Variants in RGS11 observed in about 807,000 individuals in gnomAD.
RGS11 encodes the protein regulator of G protein signaling 11, also known as regulator of G-protein signaling 11.
A neutral mutation model predicts 71.1 loss-of-function variants in RGS11; 86 were observed. That is an observed-to-expected ratio of 1.21 (90% confidence interval 1.02 to 1.45). The LOEUF (loss-of-function observed/expected upper bound fraction) is 1.45, where lower values mean the gene tolerates loss of function less well. RGS11 is among the 40% of genes most tolerant of loss of function. The pLI, the probability that RGS11 is intolerant of heterozygous loss-of-function variation, is 0.00. For synonymous variants in RGS11, 298 were observed against 254.2 expected, an observed-to-expected ratio of 1.17 and a Z score of -1.64; for missense variants, 734 against 635.1, an observed-to-expected ratio of 1.16 and a Z score of -1.67.
intron 7 of RGS11, 51 bp from the exon 8 acceptor site, chr16:273,607 C>T: frequency 1.3e-5 from 20 of 1,516,462 alleles, no homozygotes; most frequent in Non-Finnish European, 1.8e-5. Flanking sequence ...AGCAGCCCCT[C>T]CGCCCCCACC....
At position 268,656 on chromosome 16, in the gene RGS11, T is replaced by C. The variant is rs2051779987; in HGVS notation, c.*613A>G. 9.9e-7 allele frequency: 1 copy of C among 1,014,808 alleles called. No homozygotes were observed. The highest frequency in any genetic ancestry group is 1.6e-5 in the African/African-American group (1 of 62,572). 62.9% of individuals were successfully genotyped at this position (1,014,808 alleles called of 1,614,324 possible). A position where few individuals can be genotyped will look rare whatever the true frequency, so the allele number is the denominator to read the frequency against. On this transcript the variant is annotated 3_prime_UTR_variant, in exon 17 of 17. Coordinates refer to ENST00000397770, the MANE Select transcript of RGS11 (RefSeq NM_183337.3). ...CGCGGCCTCGAGGTGGGAAAGCAGG[T>C]GCCGGCGCACCTGTGGACAAATTCT...
At position 273,833 on chromosome 16, in the gene RGS11, A is replaced by T; in HGVS notation, c.433T>A (p.Cys145Ser). 6.2e-7 allele frequency: 1 copy of T among 1,613,356 alleles called. No homozygotes were observed. Among genetic ancestry groups the T allele is most frequent in the Non-Finnish European group, 8.5e-7 (1 of 1,179,954 alleles). Residue 145 changes from cysteine (C) to serine (S), a missense_variant, in exon 7 of 17, where the codon TGC (cysteine) becomes AGC (serine). Transcript: ENST00000397770. ...RGTLVDYEKD[C>S]YDRLHKKINH... ...ATCTTCTTGTGTAGCCGGTCATAGCAGTCCTGGGGGCAGCGAGGTTTCCAG... is the reference window on the plus strand; with the variant it reads ...ATCTTCTTGTGTAGCCGGTCATAGCTGTCCTGGGGGCAGCGAGGTTTCCAG...
chr16:272,919 C>T lies in RGS11; in HGVS notation c.601G>A (p.Asp201Asn), dbSNP rs541738418. 82 of 1,517,226 alleles carry T rather than the reference C, an allele frequency of 5.4e-5. No homozygotes were observed. In the Middle Eastern group the frequency reaches 8.9e-4, roughly 16 times the overall value. The allele number at this position is 1,517,226 out of a possible 1,614,324, so 94.0% of individuals were successfully genotyped here. Residue 201 changes from aspartate (D) to asparagine (N), a missense_variant, in exon 9 of 17, where the codon GAT becomes AAT. Transcript: ENST00000397770. ...LVNRPPPGAP[D>N]VLEQGPGRGS... Reference sequence around the variant, plus strand: ...CGCCCTGGACCCTGCTCCAGCACATCGGGGGCCCCGGGCTGCGGAGGGGAG... The same window carrying T: ...CGCCCTGGACCCTGCTCCAGCACATTGGGGGCCCCGGGCTGCGGAGGGGAG...
rs377346189 is a variant in RGS11 at position 271,267 on chromosome 16, C to T, written c.798G>A (p.Ser266=). Residue 266 remains serine (S), a synonymous_variant, in exon 12 of 17, where the codon TCG becomes TCA. Transcript: ENST00000397770. Reference sequence around the variant, plus strand: ...TCCAGGGATTGCTGGGCAGGCACCCCGACACGAGGGGATCGTGGGGTCCAC... The same window carrying T: ...TCCAGGGATTGCTGGGCAGGCACCCTGACACGAGGGGATCGTGGGGTCCAC... The part of the protein sequence containing the change: ...GQRGPHDPLV[S]GCLPSNPWIS... 2.6e-5 allele frequency: 42 copies of T among 1,612,918 alleles called. 1 individual carries two copies. The highest frequency in any genetic ancestry group is 2.1e-4 in the African/African-American group (16 of 75,042).
chr16:275,554 G>A, intron 1 of RGS11, 56 bp from the exon 2 acceptor site: 1 of 1,397,540 alleles, frequency 7.2e-7, no homozygotes, highest in Non-Finnish European at 9.7e-7. Context: ...CTGATTCCCT[G>A]GCACCGGCCG....
intron 15 of RGS11, among the ~76,000 whole-genome samples, chr16:270,160 G>A (rs7499731): frequency 0.23 from 34,579 of 151,400 alleles, 7,141 homozygotes; most frequent in African/African-American, 0.54. Flanking sequence ...GAGGCAGGAG[G>A]ATGGCGTGAA....
In RGS11 at chr16:269,856, C is replaced by T; in HGVS notation, c.1207-271G>A. The T allele has an allele frequency of 7.2e-6, 3 of 414,582 alleles. No homozygotes were observed. The South Asian group carries it at 1.1e-4, about 15-fold the overall frequency. 25.7% of individuals were successfully genotyped at this position (414,582 alleles called of 1,614,324 possible). A position where few individuals can be genotyped will look rare whatever the true frequency, so the allele number is the denominator to read the frequency against. On this transcript the variant is annotated intron_variant, in intron 15 of 16. Coordinates refer to ENST00000397770, the MANE Select transcript of RGS11 (RefSeq NM_183337.3). ...GAATAAACCGCGGCACCTCCTCAGCCATTAGCGGGAACCAGGAATGGCTCC... is the reference window on the plus strand; with the variant it reads ...GAATAAACCGCGGCACCTCCTCAGCTATTAGCGGGAACCAGGAATGGCTCC...
Position 269,381 on chromosome 16 carries a change from A to G in RGS11, c.1292T>C (p.Val431Ala), listed in dbSNP as rs998529148. 103 of 1,600,534 alleles carry G rather than the reference A, an allele frequency of 6.4e-5. No homozygotes were observed. The highest frequency in any genetic ancestry group is 8.4e-5 in the Non-Finnish European group (99 of 1,173,320). ...CCGTGGCCTCCACGTAAACGGGAAC[A>G]CGCTGTGGGCGAGAAGGCGGCTGAG... The part of the protein sequence containing the change: ...AGIPLEMKRR[V>A]FPFTWRPRHS... The change falls in exon 17 of 17, where the codon GTG (valine) becomes GCG (alanine). Residue 431 changes from valine to alanine, a missense_variant and splice_region_variant. By Grantham distance (64) the Val-to-Ala change is moderately conservative. Coordinates refer to ENST00000397770, the MANE Select transcript of RGS11 (RefSeq NM_183337.3).
Position 275,264 on chromosome 16 carries a change from TG to T in RGS11, c.211+18del, listed in dbSNP as rs1261340748. On this transcript the variant is annotated intron_variant, in intron 3 of 16. Coordinates refer to ENST00000397770, the MANE Select transcript of RGS11 (RefSeq NM_183337.3). ...CCAGCCCAGTGACCCCAGGGCCCAG[TG>T]GGAGGCAGGGCGCTCACCCTCCTCC... 1.9e-6 allele frequency: 3 copies of T among 1,612,242 alleles called. No homozygotes were observed. The African/African-American group carries it at 4.0e-5, about 22-fold the overall frequency.
chr16:271,519 A>T, intron 10 of RGS11, 21 bp downstream of exon 10: 1 of 1,613,730 alleles, frequency 6.2e-7, no homozygotes, highest in South Asian at 1.1e-5. Flanking sequence ...GGCACCCTCC[A>T]CTCCCAGCTC....
intron 7 of RGS11, 57 bp from the exon 8 acceptor site, chr16:273,613 C>T (rs2052032438): frequency 1.3e-6 from 2 of 1,514,132 alleles, no homozygotes; most frequent in South Asian, 1.2e-5. Context: ...CCCTCCGCCC[C>T]CACCCTCAGG....
At position 274,082 on chromosome 16, in the gene RGS11, C is replaced by A; in HGVS notation, c.390G>T (p.Lys130Asn). 6.4e-7 allele frequency: 1 copy of A among 1,551,730 alleles called. No individual in the cohort carries two copies. The highest frequency in any genetic ancestry group is 8.7e-7 in the Non-Finnish European group (1 of 1,147,398). ...ELDYAIYLAKKNIRKRGTLVD... is the reference protein window; with the variant it reads ...ELDYAIYLAKNNIRKRGTLVD... ...CCAGGGTCCCCCGTTTTCGGATGTT[C>A]TTCTTGGCCAGGTAGATGGCTGGAA... Residue 130 changes from lysine (K) to asparagine (N), a missense_variant, in exon 6 of 17, where the codon AAG (lysine) becomes AAT (asparagine). By Grantham distance (94) the Lys-to-Asn change is moderately conservative. Coordinates refer to ENST00000397770, the MANE Select transcript of RGS11 (RefSeq NM_183337.3).
At chr16:271,772 G>T (rs1036521325) in intron 9 of RGS11, 43 of 600,974 alleles carry the variant, frequency 7.2e-5, no homozygotes, top group Non-Finnish European at 1.1e-4. Context: ...CTAAGGTCTG[G>T]CGATCTGTGG....
rs1398917380 is a variant in RGS11 at position 269,274 on chromosome 16, C to A, written c.1399G>T (p.Ala467Ser). ...TGGCAGATGGGCCAGGTCCACTAGG[C>A]CACCCCATCTCCACCCCCAGGGCCA... ...ACGPGGGDGV[A>S] The change falls in exon 17 of 17, where the codon GCC becomes TCC. Residue 467 changes from alanine (A) to serine (S), a missense_variant. Ala to Ser is a moderately conservative substitution (Grantham distance 99). Transcript: ENST00000397770. 6.4e-7 allele frequency: 1 copy of A among 1,564,928 alleles called. No homozygotes were observed. Among genetic ancestry groups the A allele is most frequent in the African/African-American group, 1.3e-5 (1 of 74,208 alleles).
rs745592127 is a variant in RGS11 at position 268,875 on chromosome 16, G to A, written c.*394C>T. 5.7e-5 allele frequency: 89 copies of A among 1,550,492 alleles called. No individual in the cohort carries two copies. In the Middle Eastern group the frequency reaches 2.0e-3, roughly 35 times the overall value. ...GTGACGGGTGTGTGGGAAGCCGCCC[G>A]CCTGTGCATCTTGCTTCCGGGTATT... On this transcript the variant is annotated 3_prime_UTR_variant, in exon 17 of 17. Transcript: ENST00000397770.
chr16:270,663 T>G lies in RGS11; in HGVS notation c.1068-2A>C, dbSNP rs201849017. The stretch of plus-strand genomic sequence containing the variant: ...GCAGCTCCGGGGGCCAGGAACTGCC[T>G]AGGGGTGGGGACAGCACTGGGTAGT... On this transcript the variant is annotated splice_acceptor_variant, in intron 14 of 16. Transcript: ENST00000397770. LOFTEE classifies it high-confidence loss of function. The G allele has an allele frequency of 2.0e-4, 323 of 1,609,988 alleles. No homozygotes were observed. The highest frequency in any genetic ancestry group is 2.5e-4 in the Non-Finnish European group (299 of 1,178,956).
chr16:274,612 C>T, intron 4 of RGS11: 1 of 611,412 alleles, frequency 1.6e-6, no homozygotes, highest in Non-Finnish European at 3.0e-6. Context: ...GCCCGGGACC[C>T]TGATGTGGTT....
chr16:273,056 G>A (rs1017241169), intron 8 of RGS11, 125 bp from the exon 9 acceptor site: 25 of 904,498 alleles, frequency 2.8e-5, no homozygotes, highest in Admixed American at 9.4e-5. Flanking sequence ...GAAGAGTCCC[G>A]ACCTAGCCGT....
At chr16:275,245 C>T in intron 3 of RGS11, 38 bp downstream of exon 3, 1 of 1,611,686 alleles carries the variant, frequency 6.2e-7, no homozygotes, top group Non-Finnish European at 8.5e-7. Context: ...GCCACCAGCC[C>T]AGTGACCCCA....
Sources: allele counts gnomAD v4.1 joint callset (sites outside exome capture counted in the v4.1 genomes callset), GRCh38; gene constraint gnomAD v4.1.1; transcripts MANE v1.5; gene names NCBI Gene and HGNC (gene_info 2026-07-23, HGNC 2026-07-21).